The following PRSS23 variants were observed in gnomAD, a reference collection of about 807,000 sequenced individuals.
PRSS23 encodes protease, serine 23.
PRSS23 carries 25 observed loss-of-function variants against 34.7 expected under a neutral mutation model. The observed-to-expected ratio is 0.72, with a 90% CI of 0.53 to 1.01. PRSS23 has a LOEUF of 1.01. PRSS23 is among the 50% of genes least tolerant of loss of function. The pLI is 0.00. For missense variants in PRSS23, 445 were observed against 475.6 expected, an observed-to-expected ratio of 0.94 and a Z score of 0.60; for synonymous variants, 176 against 186.6, an observed-to-expected ratio of 0.94 and a Z score of 0.46.
At chr11:86,950,362 G>A (rs972996837) in intron 2 of PRSS23, 1 of 152,634 alleles carries the variant, frequency 6.6e-6, no homozygotes, top group African/African-American at 2.4e-5. Context: ...TAAGCATGCT[G>A]CAGTACAAAA....
intron 2 of PRSS23, chr11:86,909,296 A>G (rs1948962911): frequency 6.6e-6 from 1 of 152,226 alleles, no homozygotes; most frequent in South Asian, 2.1e-4. Context: ...AAAAGAGGAC[A>G]GGCTGAGGTT....
At chr11:86,876,489 A>G (rs949167434) in intron 2 of PRSS23, among the ~76,000 whole-genome samples, 4 of 152,168 alleles carry the variant, frequency 2.6e-5, no homozygotes, top group Non-Finnish European at 4.4e-5. Flanking sequence ...TATTACCTAA[A>G]TAGTAGGGAT....
intron 2 of PRSS23, among the ~76,000 whole-genome samples, chr11:86,893,579 G>T (rs545896554): frequency 1.3e-5 from 2 of 152,238 alleles, no homozygotes; most frequent in African/African-American, 2.4e-5. Context: ...AAATAATTAA[G>T]GTAGGATGGC....
intron 2 of PRSS23, among the ~76,000 whole-genome samples, chr11:86,907,956 G>A (rs1193929979): frequency 7.9e-5 from 12 of 152,092 alleles, no homozygotes; most frequent in African/African-American, 2.2e-4. Context: ...CAGATTCCTC[G>A]TCAGTGGGAA....
At chr11:86,841,690 G>C (rs1268502931) in intron 2 of PRSS23, among the ~76,000 whole-genome samples, 3 of 152,122 alleles carry the variant, frequency 2.0e-5, no homozygotes, top group Non-Finnish European at 4.4e-5. Flanking sequence ...AGAAGAAATG[G>C]ATATATTCCT....
chr11:86,864,747 C>A (rs777287234), intron 2 of PRSS23, among the ~76,000 whole-genome samples: 1 of 152,342 alleles, frequency 6.6e-6, no homozygotes, highest in Admixed American at 6.5e-5. Context: ...GTCAGCAGAG[C>A]TGTCTTGTTT....
At chr11:86,814,959 T>C (rs1466120184), downstream of PRSS23, among the ~76,000 whole-genome samples, 1 of 152,204 alleles carries the variant, frequency 6.6e-6, no homozygotes, top group Non-Finnish European at 1.5e-5. Flanking sequence ...TTAGTCTTGA[T>C]TTATCACTGC....
At chr11:86,878,675 C>T (rs1040455282) in intron 2 of PRSS23, among the ~76,000 whole-genome samples, 22 of 151,994 alleles carry the variant, frequency 1.4e-4, no homozygotes, top group Non-Finnish European at 2.5e-4. Context: ...AGCCTCTGCC[C>T]GGCTGCCACC....
intron 2 of PRSS23, among the ~76,000 whole-genome samples, chr11:86,889,561 G>T (rs972214642): frequency 2.0e-5 from 3 of 152,172 alleles, no homozygotes; most frequent in Non-Finnish European, 2.9e-5. Flanking sequence ...ACTCCATCAA[G>T]TCTTTTTATA....
chr11:86,922,411 G>A (rs1949052490), intron 2 of PRSS23, among the ~76,000 whole-genome samples: 1 of 152,048 alleles, frequency 6.6e-6, no homozygotes, highest in African/African-American at 2.4e-5. Context: ...TGAGACGGGA[G>A]GACTGCTTGA....
chr11:86,911,171 A>G (rs1948974635), intron 2 of PRSS23: 1 of 152,166 alleles, frequency 6.6e-6, no homozygotes, highest in South Asian at 2.1e-4. Context: ...GATTAGATGA[A>G]TAAATTAATT....
chr11:86,845,383 C>T (rs774152027), intron 2 of PRSS23, among the ~76,000 whole-genome samples: 1 of 152,160 alleles, frequency 6.6e-6, no homozygotes, highest in Non-Finnish European at 1.5e-5. Flanking sequence ...GGAGATTAAG[C>T]TTAAAATATT....
In PRSS23 at chr11:86,939,426, A is replaced by ATATATTTTTTTT; in HGVS notation, c.207-11789_207-11788insATATTTTTTTTT. 2.4e-3 allele frequency among the ~76,000 whole-genome samples: 223 copies of ATATATTTTTTTT among 93,992 alleles called. 4 individuals carry two copies. Among genetic ancestry groups the ATATATTTTTTTT allele is most frequent in the Middle Eastern group, 7.0e-3 (1 of 142 alleles). The allele number at this position is 93,992 out of a possible 152,430, so 61.7% of individuals were successfully genotyped here. A position where few individuals can be genotyped will look rare whatever the true frequency, so the allele number is the denominator to read the frequency against. ...AAAATATATATATATATATATATAT[A>ATATATTTTTTTT]TTTTTTAACATGAGTAAAAATTGCA... On this transcript the variant is annotated intron_variant, in intron 2 of 2. Coordinates refer to the PRSS23 transcript ENST00000533902.
chr11:86,832,715 A>G (rs984453287), intron 2 of PRSS23: 4 of 312,186 alleles, frequency 1.3e-5, no homozygotes, highest in Admixed American at 8.0e-5. Context: ...TAAGCAAACA[A>G]CTGACAGGGG....
chr11:86,901,692 G>T (rs189969034), intron 2 of PRSS23, among the ~76,000 whole-genome samples: 3 of 152,264 alleles, frequency 2.0e-5, no homozygotes, highest in African/African-American at 7.2e-5. Context: ...ATGCCAAAAT[G>T]TCAGAATTTA....
At chr11:86,796,159 G>A (rs1234198785), upstream of PRSS23, among the ~76,000 whole-genome samples, 1 of 152,154 alleles carries the variant, frequency 6.6e-6, no homozygotes, top group Non-Finnish European at 1.5e-5. Context: ...TGTCAGGACG[G>A]GAAAAGGCAA....
intron 2 of PRSS23, chr11:86,948,431 T>C (rs1488373014): frequency 1.3e-5 from 2 of 152,090 alleles, no homozygotes; most frequent in African/African-American, 4.8e-5. Context: ...AGTGATGGAG[T>C]TGATTGAAGG....
chr11:86,833,721 C>T (rs1202706453), intron 2 of PRSS23, among the ~76,000 whole-genome samples: 1 of 152,060 alleles, frequency 6.6e-6, no homozygotes, highest in East Asian at 1.9e-4. Flanking sequence ...GTTGCAAGCC[C>T]CGTGTTTAAA....
chr11:86,884,433 G>A (rs189105490), intron 2 of PRSS23, among the ~76,000 whole-genome samples: 1 of 152,220 alleles, frequency 6.6e-6, no homozygotes, highest in East Asian at 1.9e-4. Flanking sequence ...CCAAGTAGCT[G>A]GGATTACAGG....
Sources: allele counts gnomAD v4.1 joint callset (sites outside exome capture counted in the v4.1 genomes callset), GRCh38; gene constraint gnomAD v4.1.1; transcripts MANE v1.5; gene names NCBI Gene and HGNC (gene_info 2026-07-23, HGNC 2026-07-21).